Variants in KIF9 observed in about 807,000 individuals in gnomAD.
KIF9 encodes kinesin-like protein KIF9.
KIF9 carries 68 observed loss-of-function variants against 94.8 expected under a neutral mutation model. The ratio of observed to expected loss-of-function variants is 0.72; its 90% CI spans 0.59 to 0.88. The LOEUF (loss-of-function observed/expected upper bound fraction) is 0.88, where lower values mean the gene tolerates loss of function less well. Ranked by LOEUF, KIF9 falls within the 40% of genes least tolerant of loss-of-function variation. The pLI, the probability that KIF9 is intolerant of heterozygous loss-of-function variation, is 0.00. For synonymous variants in KIF9, 343 were observed against 362.1 expected (o/e 0.95, Z 0.60); for missense variants, 882 against 982.5 (o/e 0.90, Z 1.37).
At position 47,236,635 on chromosome 3, in the gene KIF9, A is replaced by G; in HGVS notation, c.1925-16T>C. The G allele has an allele frequency of 6.2e-7, 1 of 1,612,492 alleles. No homozygotes were observed. Among genetic ancestry groups the G allele is most frequent in the Non-Finnish European group, 8.5e-7 (1 of 1,179,448 alleles). ...TCGTACTTGCCTGCAAGGTGATGGA[A>G]GAAGTCAGGAAATGAGGAGGTGTCC... On this transcript the variant is annotated splice_polypyrimidine_tract_variant and intron_variant, in intron 17 of 20. Coordinates refer to ENST00000684063, the MANE Select transcript of KIF9 (RefSeq NM_182902.4).
At chr3:47,229,737 ATTT>A (rs879766213) in intron 20 of KIF9, among the ~76,000 whole-genome samples, 1 of 145,710 alleles carries the variant, frequency 6.9e-6, no homozygotes, top group Non-Finnish European at 1.5e-5. Context: ...ATGATTTAGA[ATTT>A]TTTTTTTTTT....
chr3:47,282,417 C>T (rs573971011), intron 1 of KIF9, 78 bp downstream of exon 1: 11 of 986,302 alleles, frequency 1.1e-5, no homozygotes, highest in African/African-American at 3.5e-5. Flanking sequence ...GGTTTTTGGA[C>T]CCCAGCCACT....
intron 1 of KIF9, among the ~76,000 whole-genome samples, chr3:47,281,571 C>T (rs1702357347): frequency 6.6e-6 from 1 of 152,146 alleles, no homozygotes; most frequent in South Asian, 2.1e-4. Context: ...TGGTCTTGAA[C>T]TCCTGAGCTC....
At chr3:47,234,717 G>C (rs1175728488) in intron 20 of KIF9, among the ~76,000 whole-genome samples, 6 of 149,356 alleles carry the variant, frequency 4.0e-5, no homozygotes, top group Non-Finnish European at 5.9e-5. Context: ...ACCACGCCTG[G>C]CTAATTTTTT....
chr3:47,248,091 C>G lies in KIF9; in HGVS notation c.1060-5G>C, dbSNP rs377168732. 1 of 1,612,058 alleles carries G rather than the reference C, an allele frequency of 6.2e-7. No homozygotes were observed. The highest frequency in any genetic ancestry group is 1.3e-5 in the African/African-American group (1 of 74,936). ...CTCCAGGTTCTTGACCATTCTCTGC[C>G]GGGAAACATGGTAGGGTGGGGGCCG... On this transcript the variant is annotated splice_region_variant and splice_polypyrimidine_tract_variant and intron_variant, in intron 10 of 20. Coordinates refer to ENST00000684063, the MANE Select transcript of KIF9 (RefSeq NM_182902.4).
At chr3:47,259,224 A>C (rs998446344) in intron 9 of KIF9, among the ~76,000 whole-genome samples, 1 of 152,178 alleles carries the variant, frequency 6.6e-6, no homozygotes, top group Non-Finnish European at 1.5e-5. Context: ...GCCTTAGTCA[A>C]GTGTCCTCCC....
At chr3:47,275,214 G>A in intron 3 of KIF9, 111 bp downstream of exon 3, 1 of 847,064 alleles carries the variant, frequency 1.2e-6, no homozygotes, top group East Asian at 2.7e-5. Context: ...CATGGAGACA[G>A]ACAAACATAC....
intron 9 of KIF9, among the ~76,000 whole-genome samples, chr3:47,262,641 C>T (rs556725029): frequency 2.3e-4 from 35 of 152,268 alleles, no homozygotes; most frequent in Middle Eastern, 3.4e-3. Context: ...GCTGCCTGCA[C>T]GTCAGCTGGA....
chr3:47,280,767 G>A (rs528974861), intron 1 of KIF9, among the ~76,000 whole-genome samples: 32 of 152,238 alleles, frequency 2.1e-4, no homozygotes, highest in African/African-American at 7.7e-4. Flanking sequence ...ACATGCACAT[G>A]CACACGCAGT....
intron 5 of KIF9, among the ~76,000 whole-genome samples, chr3:47,268,572 A>G (rs1576062166): frequency 6.9e-6 from 1 of 144,926 alleles, no homozygotes; most frequent in Non-Finnish European, 1.5e-5. Flanking sequence ...GGGTCACTTC[A>G]TTTTTCTTCT....
intron 17 of KIF9, among the ~76,000 whole-genome samples, chr3:47,238,094 T>C (rs959320373): frequency 6.6e-6 from 1 of 152,250 alleles, no homozygotes; most frequent in African/African-American, 2.4e-5. Flanking sequence ...TTTCTTTTTT[T>C]CTTTTGTTTC....
chr3:47,282,562 G>A lies in KIF9; in HGVS notation c.-73C>T, dbSNP rs1313155298. The A allele has an allele frequency of 9.8e-7, 1 of 1,018,790 alleles. No homozygotes were observed. The highest frequency in any genetic ancestry group is 9.8e-5 in the East Asian group (1 of 10,162). The allele number at this position is 1,018,790 out of a possible 1,614,324, so 63.1% of individuals were successfully genotyped here. A position where few individuals can be genotyped will look rare whatever the true frequency, so the allele number is the denominator to read the frequency against. On this transcript the variant is annotated 5_prime_UTR_variant, in exon 1 of 21. Coordinates refer to ENST00000684063, the MANE Select transcript of KIF9 (RefSeq NM_182902.4). ...CCGAAACCACCTGCACTCCCCACGC[G>A]GGGCTGCCTGGCTGTGTACATAGTC... is the stretch of plus-strand genomic sequence containing the variant.
At chr3:47,259,756 C>T (rs188717677) in intron 9 of KIF9, among the ~76,000 whole-genome samples, 42 of 145,534 alleles carry the variant, frequency 2.9e-4, no homozygotes, top group Non-Finnish European at 5.7e-4. Flanking sequence ...TAAACAGATG[C>T]TTGAAGGCAG....
chr3:47,240,945 G>A lies in KIF9; in HGVS notation c.1780C>T (p.Arg594Ter), dbSNP rs139797855. Residue 594 changes from arginine (R) to a stop codon, truncating the protein, a stop_gained, in exon 17 of 21, where the codon CGA becomes TGA. Coordinates refer to ENST00000684063, the MANE Select transcript of KIF9 (RefSeq NM_182902.4). LOFTEE classifies it high-confidence loss of function. Reference protein sequence around the residue: ...FKNEQGSEINRIFKENKSILN... With the variant: ...FKNEQGSEIN ...ATGGATTTGTTTTCTTTGAAAATTC[G>A]GTTGATCTCACTACCTTGCTCATTC... 123 of 1,613,980 alleles carry A rather than the reference G, an allele frequency of 7.6e-5. No homozygotes were observed. Among genetic ancestry groups the A allele is most frequent in the Admixed American group, 1.3e-4 (8 of 59,986 alleles).
At chr3:47,257,621 C>T (rs1012568019) in intron 9 of KIF9, 61 bp from the exon 10 acceptor site, 23 of 1,471,554 alleles carry the variant, frequency 1.6e-5, no homozygotes, top group East Asian at 2.3e-5. Context: ...CCCAAGAGAC[C>T]GGCCTTCTCA....
intron 2 of KIF9, among the ~76,000 whole-genome samples, chr3:47,276,878 T>C (rs1227531255): frequency 1.3e-5 from 2 of 152,202 alleles, no homozygotes; most frequent in African/African-American, 2.4e-5. Context: ...ATCTTTCCAC[T>C]TCTCTTGATA....
At chr3:47,255,807 C>G (rs889508858) in intron 10 of KIF9, among the ~76,000 whole-genome samples, 1 of 151,348 alleles carries the variant, frequency 6.6e-6, no homozygotes, top group Non-Finnish European at 1.5e-5. Flanking sequence ...CCTCTGATGC[C>G]GAGCCGAAGC....
At chr3:47,270,271 GA>G (rs1701561218) in intron 5 of KIF9, among the ~76,000 whole-genome samples, 1 of 138,582 alleles carries the variant, frequency 7.2e-6, no homozygotes, top group African/African-American at 2.7e-5. Flanking sequence ...TTTTTTTTTT[GA>G]GAAGGAGTTT....
rs764531691 is a variant in KIF9, at chr3:47,246,192, C to G, written c.1289+5G>C. ...AGGAATGAGGTAGGGGTGGGGGTCT[C>G]TCACCTCAGAACCACCCGGAACTGG... On this transcript the variant is annotated splice_donor_5th_base_variant and intron_variant, in intron 13 of 20. Transcript: ENST00000684063. 8.7e-6 allele frequency: 14 copies of G among 1,612,924 alleles called. No individual in the cohort carries two copies. The East Asian group carries it at 2.5e-4, about 28-fold the overall frequency.
Sources: allele counts gnomAD v4.1 joint callset (sites outside exome capture counted in the v4.1 genomes callset), GRCh38; gene constraint gnomAD v4.1.1; transcripts MANE v1.5; gene names NCBI Gene and HGNC (gene_info 2026-07-23, HGNC 2026-07-21).